The following KCNB2 variants were observed in gnomAD, a reference collection of about 807,000 sequenced individuals.
KCNB2 encodes potassium voltage-gated channel subfamily B member 2.
In KCNB2, 15 loss-of-function variants were observed where a neutral mutation model predicts 61.5. That is an observed-to-expected ratio of 0.24 (90% confidence interval 0.16 to 0.38). The LOEUF is 0.38. Among genes scored for constraint, KCNB2 ranks in the 10% least tolerant of loss-of-function variants. The pLI is 1.00. For missense variants in KCNB2, 828 were observed against 1,125.2 expected (o/e 0.74, Z 3.78); for synonymous variants, 457 against 446.0 (o/e 1.02, Z -0.31).
rs550027938 is a variant in KCNB2 at position 72,773,149 on chromosome 8, C to G, written c.580-162786C>G. ...AACAGCATTAGCATCTTTCTTGGCC[C>G]GGTCATGTTCTAGACAGCACTGCTT... On this transcript the variant is annotated intron_variant, in intron 2 of 2. Transcript: ENST00000523207. Among the ~76,000 whole-genome samples, 257 of 152,222 alleles carry G rather than the reference C, an allele frequency of 1.7e-3. 1 individual carries two copies. The highest frequency in any genetic ancestry group is 6.0e-3 in the African/African-American group (250 of 41,518).
intron 2 of KCNB2, among the ~76,000 whole-genome samples, chr8:72,636,225 G>A (rs893487596): frequency 6.6e-6 from 1 of 152,124 alleles, no homozygotes; most frequent in African/African-American, 2.4e-5. Flanking sequence ...ATCTCCCATG[G>A]TTTTAGTTAA....
chr8:72,784,509 A>G lies in KCNB2; in HGVS notation c.580-151426A>G, dbSNP rs568596392. Among the ~76,000 whole-genome samples the G allele has an allele frequency of 5.3e-5, 8 of 152,320 alleles. No individual in the cohort carries two copies. The East Asian group carries it at 1.3e-3, about 26-fold the overall frequency. ...AGAGGTTTAATTGACTCACAGTTCC[A>G]CATGGCTGGGGAGGCCGCAGGAAAC... On this transcript the variant is annotated intron_variant, in intron 2 of 2. Transcript: ENST00000523207.
chr8:72,892,108 C>T (rs1805905800), intron 2 of KCNB2, among the ~76,000 whole-genome samples: 1 of 152,180 alleles, frequency 6.6e-6, no homozygotes, highest in Admixed American at 6.5e-5. Context: ...GCACACAAAA[C>T]AGCAGGAGAG....
intron 2 of KCNB2, among the ~76,000 whole-genome samples, chr8:72,576,697 A>G (rs1490866305): frequency 6.6e-6 from 1 of 152,200 alleles, no homozygotes; most frequent in African/African-American, 2.4e-5. Context: ...TACTGTATCT[A>G]TCAGCAACAT....
intron 2 of KCNB2, among the ~76,000 whole-genome samples, chr8:72,685,758 G>C (rs1806839982): frequency 6.6e-6 from 1 of 152,208 alleles, no homozygotes; most frequent in South Asian, 2.1e-4. Context: ...GGGAGGCCGA[G>C]GCAGGCAGAT....
chr8:72,779,260 G>A (rs1808715837), intron 2 of KCNB2, among the ~76,000 whole-genome samples: 1 of 152,200 alleles, frequency 6.6e-6, no homozygotes, highest in African/African-American at 2.4e-5. Flanking sequence ...ATCCTATGGT[G>A]CAGTCGTTTT....
Position 72,936,144 on chromosome 8 carries a change from A to G in KCNB2, c.789A>G (p.Lys263=), listed in dbSNP as rs1337460755. 2 of 1,614,210 alleles carry G rather than the reference A, an allele frequency of 1.2e-6. No individual in the cohort carries two copies. Among genetic ancestry groups the G allele is most frequent in the Non-Finnish European group, 1.7e-6 (2 of 1,180,028 alleles). The change falls in exon 3 of 3, where the codon AAA becomes AAG. Residue 263 remains lysine (K), a synonymous_variant. Coordinates refer to ENST00000523207, the MANE Select transcript of KCNB2 (RefSeq NM_004770.3). This position sits in a 1 kb window ranked among gnomAD's most constrained non-coding sequence, Gnocchi z 5.6. ...LSSPNKWKFF[K]GPLNVIDLLA... is the part of the protein sequence containing the mutation. ...CACCAAATAAATGGAAGTTCTTCAA[A>G]GGCCCACTGAATGTCATTGATTTGC...
chr8:72,863,943 G>A (rs2129004237), intron 2 of KCNB2, among the ~76,000 whole-genome samples: 1 of 152,302 alleles, frequency 6.6e-6, no homozygotes, highest in East Asian at 1.9e-4. Flanking sequence ...GGCAGAGGTT[G>A]CAGTAAACCA....
intron 1 of KCNB2, among the ~76,000 whole-genome samples, chr8:72,547,469 G>A (rs565051178): frequency 1.5e-3 from 225 of 152,270 alleles, no homozygotes; most frequent in Non-Finnish European, 2.6e-3. Context: ...CATTAAGAAC[G>A]TTTGTGATTG....
intron 2 of KCNB2, among the ~76,000 whole-genome samples, chr8:72,600,927 A>G (rs1805340074): frequency 1.3e-5 from 2 of 152,090 alleles, no homozygotes; most frequent in South Asian, 4.1e-4. Flanking sequence ...AGTCAGTACA[A>G]TAAACCCCCA....
intron 1 of KCNB2, among the ~76,000 whole-genome samples, chr8:72,549,353 G>A (rs1257587855): frequency 1.3e-5 from 2 of 152,166 alleles, no homozygotes; most frequent in Non-Finnish European, 2.9e-5. Context: ...TAGCGATTTG[G>A]CATAACAAAA....
At chr8:72,574,153 C>T (rs1806761000) in intron 2 of KCNB2, among the ~76,000 whole-genome samples, 1 of 152,152 alleles carries the variant, frequency 6.6e-6, no homozygotes, top group Admixed American at 6.5e-5. Flanking sequence ...ATAGAAAACA[C>T]CATTGGGTTT....
intron 2 of KCNB2, among the ~76,000 whole-genome samples, chr8:72,912,421 T>C (rs1806313568): frequency 6.6e-6 from 1 of 151,254 alleles, no homozygotes. Flanking sequence ...ACAAAAAAGG[T>C]GCACATATTC....
chr8:72,936,315 C>T lies in KCNB2; in HGVS notation c.960C>T (p.Gly320=). 6.2e-7 allele frequency: 1 copy of T among 1,614,228 alleles called. No homozygotes were observed. Among genetic ancestry groups the T allele is most frequent in the African/African-American group, 1.3e-5 (1 of 75,072 alleles). Residue 320 remains glycine (G), a synonymous_variant, in exon 3 of 3, where the codon GGC becomes GGT. Transcript: ENST00000523207. The surrounding 1 kb of genome is among the most constrained non-coding windows in gnomAD (Gnocchi z 5.6). ...TGAAACTCGCCAGGCATTCGACAGG[C>T]CTGCAGTCTCTGGGTTTCACCCTTA... The part of the protein sequence containing the change: ...RILKLARHST[G]LQSLGFTLRR...
chr8:72,902,150 A>G (rs1460926948), intron 2 of KCNB2, among the ~76,000 whole-genome samples: 1 of 152,186 alleles, frequency 6.6e-6, no homozygotes, highest in Non-Finnish European at 1.5e-5. Flanking sequence ...AAATGGTTAG[A>G]TTAATCTATG....
At chr8:72,644,969 A>C (rs887645961) in intron 2 of KCNB2, among the ~76,000 whole-genome samples, 2 of 152,216 alleles carry the variant, frequency 1.3e-5, no homozygotes, top group Non-Finnish European at 2.9e-5. Flanking sequence ...AGGATGGAGA[A>C]AAGAATGCCC....
At position 72,839,085 on chromosome 8, in the gene KCNB2, G is replaced by A. The variant is rs80103270; in HGVS notation, c.580-96850G>A. 2.1e-3 allele frequency among the ~76,000 whole-genome samples: 312 copies of A among 151,904 alleles called. 3 individuals carry two copies. The highest frequency in any genetic ancestry group is 7.3e-3 in the African/African-American group (303 of 41,442). On this transcript the variant is annotated intron_variant, in intron 2 of 2. Transcript: ENST00000523207. ...AAAAATCACCCCATTAGAATAAGAC[G>A]CTCATTATCCAAATACAATTATTTT...
At chr8:72,837,138 C>A (rs1809796085) in intron 2 of KCNB2, among the ~76,000 whole-genome samples, 2 of 152,190 alleles carry the variant, frequency 1.3e-5, no homozygotes, top group African/African-American at 2.4e-5. Flanking sequence ...CAAGAGAAAT[C>A]TTTACTGATA....
chr8:72,796,140 T>C (rs960681095), intron 2 of KCNB2, among the ~76,000 whole-genome samples: 1 of 152,202 alleles, frequency 6.6e-6, no homozygotes, highest in Non-Finnish European at 1.5e-5. Flanking sequence ...TTATGACCCA[T>C]GATCTCTTGT....
Sources: allele counts gnomAD v4.1 joint callset (sites outside exome capture counted in the v4.1 genomes callset), GRCh38; gene constraint gnomAD v4.1.1; non-coding constraint Gnocchi (gnomAD v3.1); transcripts MANE v1.5; gene names NCBI Gene and HGNC (gene_info 2026-07-23, HGNC 2026-07-21).